Variants in CSNK1G3 observed in about 807,000 individuals in gnomAD.
CSNK1G3 encodes the protein casein kinase I isoform gamma-3.
CSNK1G3 carries 23 observed loss-of-function variants against 64.3 expected under a neutral mutation model. The observed-to-expected ratio is 0.36, with a 90% CI of 0.26 to 0.51. The LOEUF (loss-of-function observed/expected upper bound fraction) is 0.51. Ranked by LOEUF, CSNK1G3 falls within the 20% of genes least tolerant of loss-of-function variation. The pLI, the probability that CSNK1G3 is intolerant of heterozygous loss-of-function variation, is 0.96. For missense variants in CSNK1G3, 357 were observed against 510.5 expected, an observed-to-expected ratio of 0.70 and a Z score of 2.90; for synonymous variants, 158 against 162.2, an observed-to-expected ratio of 0.97 and a Z score of 0.20.
exon 5 of CSNK1G3, chr5:123,573,535 A>T (rs1403027165): frequency 1.3e-6 from 2 of 1,595,746 alleles, no homozygotes; most frequent in East Asian, 4.5e-5. Flanking sequence ...TGATAGCTAT[A>T]CAACTGGTAA....
intron 12 of CSNK1G3, among the ~76,000 whole-genome samples, chr5:123,611,443 C>G (rs541359225): frequency 6.6e-6 from 1 of 152,220 alleles, no homozygotes; most frequent in Admixed American, 6.5e-5. Context: ...ATTTGAAAAT[C>G]TTATTTAGTC....
chr5:123,604,684 G>A lies in CSNK1G3; in HGVS notation c.1087-40G>A, dbSNP rs558970215. 4 of 1,016,282 alleles carry A rather than the reference G, an allele frequency of 3.9e-6. No individual in the cohort carries two copies. The South Asian group carries it at 5.6e-5, about 14-fold the overall frequency. 63.0% of individuals were successfully genotyped at this position (1,016,282 alleles called of 1,614,324 possible). ...TGTATGTATATTTATGAGCATGTGT[G>A]TGTACATATACATATATAAAAAATT... On this transcript the variant is annotated intron_variant, in intron 10 of 12. Transcript: ENST00000345990.
At chr5:123,586,821 G>A (rs1217062277) in intron 6 of CSNK1G3, among the ~76,000 whole-genome samples, 2 of 152,138 alleles carry the variant, frequency 1.3e-5, no homozygotes, top group African/African-American at 2.4e-5. Flanking sequence ...CTGAGACTGG[G>A]CAATTTACAA....
intron 12 of CSNK1G3, among the ~76,000 whole-genome samples, chr5:123,609,912 A>G (rs373243004): frequency 2.2e-4 from 32 of 143,638 alleles, no homozygotes; most frequent in Admixed American, 2.0e-3. Flanking sequence ...AGGGCATGGC[A>G]TATTTATGAT....
At position 123,575,290 on chromosome 5, in the gene CSNK1G3, A is replaced by G. The variant is rs370836389; in HGVS notation, c.439-439A>G. Among the ~76,000 whole-genome samples, 4 of 152,330 alleles carry G rather than the reference A, an allele frequency of 2.6e-5. No homozygotes were observed. In the South Asian group the frequency reaches 8.3e-4, roughly 32 times the overall value. On this transcript the variant is annotated intron_variant, in intron 5 of 12. Transcript: ENST00000345990. ...TGAATAGTGCTGTTGTTTTTACTTAATAGTTTAGACTCTTAAGTTTCTTTA... is the reference window on the plus strand; with the variant it reads ...TGAATAGTGCTGTTGTTTTTACTTAGTAGTTTAGACTCTTAAGTTTCTTTA...
chr5:123,561,693 T>TG (rs1785758893), intron 4 of CSNK1G3, among the ~76,000 whole-genome samples: 1 of 152,202 alleles, frequency 6.6e-6, no homozygotes, highest in Admixed American at 6.5e-5. Context: ...TCTAGCTGTA[T>TG]ATGAATATCC....
chr5:123,558,921 T>C (rs894218307), intron 4 of CSNK1G3, among the ~76,000 whole-genome samples: 2 of 152,208 alleles, frequency 1.3e-5, no homozygotes, highest in Non-Finnish European at 2.9e-5. Flanking sequence ...CTTCAAATAC[T>C]GTCATCAACA....
rs535227176 is a variant in CSNK1G3 at position 123,513,151 on chromosome 5, A to C, written c.-248+581A>C. ...GTTTCTTAGAGCTTTGACTCAGCTC[A>C]AAACTTAACCAAGACATTAGTCAAA... is the stretch of plus-strand genomic sequence containing the variant. On this transcript the variant is annotated intron_variant, in intron 1 of 12. Coordinates refer to ENST00000345990, the Ensembl canonical transcript of CSNK1G3. Among the ~76,000 whole-genome samples the C allele has an allele frequency of 3.9e-5, 6 of 152,316 alleles. No homozygotes were observed. The South Asian group carries it at 1.2e-3, about 32-fold the overall frequency.
At chr5:123,614,386 G>T in exon 13 of CSNK1G3, 1 of 1,612,776 alleles carries the variant, frequency 6.2e-7, no homozygotes, top group Non-Finnish European at 8.5e-7. Context: ...ACCATACAGC[G>T]CCACAAATGA....
chr5:123,545,421 C>G, exon 2 of CSNK1G3: 1 of 345,332 alleles, frequency 2.9e-6, no homozygotes, highest in African/African-American at 2.1e-5. Context: ...TTCTAGCTCT[C>G]TATCAATATC....
intron 2 of CSNK1G3, chr5:123,552,888 G>C: frequency 3.2e-6 from 1 of 308,672 alleles, no homozygotes; most frequent in Non-Finnish European, 6.1e-6. Context: ...AGTATCTGTA[G>C]TGTCTGTATC....
At chr5:123,598,656 T>C (rs2151075156) in intron 10 of CSNK1G3, among the ~76,000 whole-genome samples, 1 of 152,196 alleles carries the variant, frequency 6.6e-6, no homozygotes, top group East Asian at 1.9e-4. Flanking sequence ...AGCTGGTGTG[T>C]GTTGAGAAAT....
At chr5:123,531,721 A>G (rs1220092930) in intron 1 of CSNK1G3, among the ~76,000 whole-genome samples, 3 of 151,988 alleles carry the variant, frequency 2.0e-5, no homozygotes, top group Non-Finnish European at 2.9e-5. Context: ...TAAATATTTT[A>G]TTACCATTTA....
At chr5:123,515,685 T>C (rs1777023444) in intron 1 of CSNK1G3, among the ~76,000 whole-genome samples, 1 of 152,206 alleles carries the variant, frequency 6.6e-6, no homozygotes, top group Admixed American at 6.5e-5. Context: ...AAAATCATGT[T>C]ACAGGGAAAA....
chr5:123,580,038 A>C (rs1789952059), intron 6 of CSNK1G3, among the ~76,000 whole-genome samples: 1 of 152,026 alleles, frequency 6.6e-6, no homozygotes, highest in Non-Finnish European at 1.5e-5. Context: ...GCGGTGTTTT[A>C]AGTTTAGAGT....
At chr5:123,512,483 C>CGCCGCCGCT (rs2149836636) in exon 1 of CSNK1G3, 1 of 152,254 alleles carries the variant, frequency 6.6e-6, no homozygotes, top group East Asian at 1.9e-4. Flanking sequence ...TGTGATGTGC[C>CGCCGCCGCT]GCCGCCGCTG....
At chr5:123,570,517 C>A (rs1012010527) in intron 4 of CSNK1G3, among the ~76,000 whole-genome samples, 5 of 151,890 alleles carry the variant, frequency 3.3e-5, no homozygotes, top group Admixed American at 6.6e-5. Context: ...CCATGCCTGG[C>A]TAACTGTTTT....
chr5:123,535,546 G>T (rs1780652570), intron 1 of CSNK1G3, among the ~76,000 whole-genome samples: 1 of 151,942 alleles, frequency 6.6e-6, no homozygotes, highest in Non-Finnish European at 1.5e-5. Context: ...ATTCTAATTT[G>T]TTAAAAGTAT....
At chr5:123,592,954 C>G (rs1792672429) in intron 10 of CSNK1G3, among the ~76,000 whole-genome samples, 1 of 151,700 alleles carries the variant, frequency 6.6e-6, no homozygotes, top group Non-Finnish European at 1.5e-5. Context: ...AGAGTTAATT[C>G]CTTGAATGTA....
Sources: gnomAD v4.1 joint callset for allele counts (sites outside exome capture counted in the v4.1 genomes callset) on GRCh38, gnomAD v4.1.1 for gene constraint, MANE v1.5 for transcripts, NCBI Gene and HGNC (gene_info 2026-07-23, HGNC 2026-07-21) for gene names.